MYO3B: variants seen among roughly 807,000 people sequenced by gnomAD.
The protein encoded by MYO3B is myosin-IIIb.
Under a neutral mutation model 174.6 loss-of-function variants are expected in MYO3B, and 156 were observed. The ratio of observed to expected loss-of-function variants is 0.89; its 90% CI spans 0.78 to 1.02. The LOEUF is 1.02. MYO3B is among the 50% of genes least tolerant of loss of function. The pLI is 0.00. For synonymous variants in MYO3B, 563 were observed against 569.1 expected (o/e 0.99, Z 0.15); for missense variants, 1,632 against 1,639.4 (o/e 1.00, Z 0.08).
chr2:170,527,076 G>A (rs1292556592), intron 30 of MYO3B, among the ~76,000 whole-genome samples: 1 of 152,178 alleles, frequency 6.6e-6, no homozygotes, highest in African/African-American at 2.4e-5. Context: ...ACCTGCTGAT[G>A]TTTTACTCAT....
chr2:170,398,379 C>T (rs1184964488), intron 16 of MYO3B, among the ~76,000 whole-genome samples: 1 of 152,266 alleles, frequency 6.6e-6, no homozygotes, highest in East Asian at 1.9e-4. Flanking sequence ...AACCTGAAAG[C>T]TCTCCGAATC....
intron 7 of MYO3B, among the ~76,000 whole-genome samples, chr2:170,239,034 A>G (rs1335563237): frequency 1.3e-5 from 2 of 152,344 alleles, no homozygotes; most frequent in African/African-American, 2.4e-5. Context: ...ACCTGTCAGC[A>G]TGTGTCATCT....
chr2:170,459,590 G>A (rs978211007), intron 23 of MYO3B, among the ~76,000 whole-genome samples: 2 of 152,200 alleles, frequency 1.3e-5, no homozygotes, highest in Non-Finnish European at 1.5e-5. Flanking sequence ...GGATCCTGCT[G>A]CAGGTGGAGC....
At chr2:170,501,677 G>A (rs1575082040) in intron 27 of MYO3B, 108 bp from the exon 28 acceptor site, 3 of 689,330 alleles carry the variant, frequency 4.4e-6, no homozygotes. Context: ...GAGAAAGCAG[G>A]AGGGAGGATG....
intron 32 of MYO3B, among the ~76,000 whole-genome samples, chr2:170,549,158 T>G (rs79269518): frequency 0.028 from 4,332 of 152,310 alleles, 185 homozygotes; most frequent in African/African-American, 0.096. Context: ...AGCTTTAGTT[T>G]AACCTTGTGA....
intron 21 of MYO3B, among the ~76,000 whole-genome samples, chr2:170,405,865 C>G (rs2094506214): frequency 6.6e-6 from 1 of 152,208 alleles, no homozygotes; most frequent in South Asian, 2.1e-4. Flanking sequence ...ATCTGCTTCT[C>G]ACCTGAGGTT....
At chr2:170,473,367 C>G (rs1302165366) in intron 25 of MYO3B, among the ~76,000 whole-genome samples, 1 of 151,880 alleles carries the variant, frequency 6.6e-6, no homozygotes, top group South Asian at 2.1e-4. Context: ...AGGATGGTCT[C>G]GATCTCCTGA....
Position 170,383,094 on chromosome 2 carries a change from C to T in MYO3B, c.1090C>T (p.Gln364Ter). Reference protein sequence around the residue: ...LDEDTIIHQLQKRYADLLIYT... With the variant: ...LDEDTIIHQL ...TTAGGATACAATTATCCATCAGTTG[C>T]AGAAACGTTATGCAGACTTGCTAAT... Residue 364 changes from glutamine (Q) to a stop codon, truncating the protein, a stop_gained, in exon 11 of 35, where the codon CAG becomes TAG. Transcript: ENST00000408978. LOFTEE classifies it high-confidence loss of function. 6.2e-7 allele frequency: 1 copy of T among 1,611,730 alleles called. No homozygotes were observed. Among genetic ancestry groups the T allele is most frequent in the South Asian group, 1.1e-5 (1 of 90,986 alleles).
At chr2:170,651,571 C>T in intron 32 of MYO3B, 57 bp from the exon 33 acceptor site, 1 of 1,413,188 alleles carries the variant, frequency 7.1e-7, no homozygotes, top group South Asian at 1.2e-5. Context: ...AGCCATTTTT[C>T]ACTTAATTTT....
At chr2:170,419,295 A>C (rs2094600451) in intron 22 of MYO3B, among the ~76,000 whole-genome samples, 1 of 152,232 alleles carries the variant, frequency 6.6e-6, no homozygotes, top group South Asian at 2.1e-4. Flanking sequence ...AAATTAACAC[A>C]GACTGAGCGG....
At chr2:170,635,585 T>C (rs921879561) in intron 32 of MYO3B, among the ~76,000 whole-genome samples, 5 of 152,106 alleles carry the variant, frequency 3.3e-5, no homozygotes, top group Admixed American at 1.3e-4. Context: ...GCACATTGTG[T>C]ACATGTACCC....
intron 7 of MYO3B, among the ~76,000 whole-genome samples, chr2:170,322,803 G>C (rs2093838394): frequency 2.0e-5 from 3 of 152,186 alleles, no homozygotes. Context: ...TCCAGGCTCA[G>C]ATTGCTCTAA....
rs775306869 is a variant in MYO3B at position 170,653,032 on chromosome 2, C to A, written c.3937C>A (p.Pro1313Thr). 11 of 1,614,128 alleles carry A rather than the reference C, an allele frequency of 6.8e-6. No homozygotes were observed. Among genetic ancestry groups the A allele is most frequent in the Non-Finnish European group, 9.3e-6 (11 of 1,179,976 alleles). Residue 1313 changes from proline to threonine, a missense_variant, in exon 35 of 35, where the codon CCA becomes ACA. Coordinates refer to ENST00000408978, the MANE Select transcript of MYO3B (RefSeq NM_138995.5). Reference protein sequence around the residue: ...GEDEYYKSLSPVDCIPEENNS... With the variant: ...GEDEYYKSLSTVDCIPEENNS... ...AGATGAATATTACAAATCTCTGTCA[C>A]CAGTGGACTGTATCCCTGAGGAGAA... is the stretch of plus-strand genomic sequence containing the variant.
At chr2:170,588,059 G>A (rs1246845359) in intron 32 of MYO3B, among the ~76,000 whole-genome samples, 1 of 152,078 alleles carries the variant, frequency 6.6e-6, no homozygotes, top group Non-Finnish European at 1.5e-5. Flanking sequence ...GTCTTGGTTG[G>A]GGGGAGTGTT....
At chr2:170,572,442 C>T (rs4668281) in intron 32 of MYO3B, among the ~76,000 whole-genome samples, 9,189 of 150,626 alleles carry the variant, frequency 0.061, 476 homozygotes, top group East Asian at 0.25. Context: ...AAAAAAAAAC[C>T]CATCTCTACA....
intron 25 of MYO3B, among the ~76,000 whole-genome samples, chr2:170,469,141 G>T (rs1243514211): frequency 1.3e-5 from 2 of 152,180 alleles, no homozygotes; most frequent in East Asian, 1.9e-4. Context: ...CTCTCAAAAA[G>T]ATAAAGAATA....
chr2:170,635,540 CCAACA>C (rs775336108), intron 32 of MYO3B, among the ~76,000 whole-genome samples: 2 of 151,966 alleles, frequency 1.3e-5, no homozygotes, highest in Non-Finnish European at 2.9e-5. Flanking sequence ...GTGCAGCAAA[CCAACA>C]CAACACATGT....
intron 7 of MYO3B, among the ~76,000 whole-genome samples, chr2:170,255,632 GA>G (rs537533288): frequency 6.7e-6 from 1 of 150,054 alleles, no homozygotes; most frequent in East Asian, 2.0e-4. Flanking sequence ...ACCCTGAAGG[GA>G]AAAAAAAACC....
chr2:170,238,688 TTCACAAGTTAAAAA>T (rs1294166971), intron 7 of MYO3B, among the ~76,000 whole-genome samples: 1 of 45,130 alleles, frequency 2.2e-5, no homozygotes, highest in Non-Finnish European at 5.4e-5. Context: ...AGAAGTGACT[TTCACAAGTTAAAAA>T]AAGATTTATG....
Sources: allele counts gnomAD v4.1 joint callset (sites outside exome capture counted in the v4.1 genomes callset), GRCh38; gene constraint gnomAD v4.1.1; transcripts MANE v1.5; gene names NCBI Gene and HGNC (gene_info 2026-07-23, HGNC 2026-07-21).